Variants in WIPF2 observed in about 807,000 individuals in gnomAD.
WIPF2 encodes the protein WAS/WASL interacting protein family member 2.
A neutral mutation model predicts 38.8 loss-of-function variants in WIPF2; 23 were observed. The observed-to-expected ratio is 0.59, with a 90% confidence interval of 0.43 to 0.84. The LOEUF (loss-of-function observed/expected upper bound fraction) is 0.84. Among genes scored for constraint, WIPF2 ranks in the 40% least tolerant of loss-of-function variants. WIPF2 has a pLI of 0.00. For missense variants in WIPF2, 574 were observed against 580.5 expected, an observed-to-expected ratio of 0.99 and a Z score of 0.11; for synonymous variants, 210 against 223.2, an observed-to-expected ratio of 0.94 and a Z score of 0.53.
intron 6 of WIPF2, among the ~76,000 whole-genome samples, chr17:40,275,108 G>A (rs911766332): frequency 1.3e-5 from 2 of 151,356 alleles, no homozygotes; most frequent in African/African-American, 4.9e-5. Context: ...GGGCATGATG[G>A]CACGCAGCCA....
chr17:40,266,150 A>C lies in WIPF2; in HGVS notation c.970+1004A>C, dbSNP rs367980974. On this transcript the variant is annotated intron_variant, in intron 5 of 7. Coordinates refer to ENST00000323571, the MANE Select transcript of WIPF2 (RefSeq NM_133264.5). ...AGGCCTAGGAGGCTGAGGCAGGAGA[A>C]TCGCTTGAACTCAGGAGGCAGAGGT... Among the ~76,000 whole-genome samples, 9 of 151,134 alleles carry C rather than the reference A, an allele frequency of 6.0e-5. No homozygotes were observed. The East Asian group carries it at 1.4e-3, about 23-fold the overall frequency.
At chr17:40,222,351 C>T (rs904967341) in intron 1 of WIPF2, among the ~76,000 whole-genome samples, 1 of 151,430 alleles carries the variant, frequency 6.6e-6, no homozygotes, top group East Asian at 2.0e-4. Flanking sequence ...CGCGCCTGGC[C>T]GACCTGTCTC....
intron 1 of WIPF2, among the ~76,000 whole-genome samples, chr17:40,250,914 C>CTTTTTTTTTTTTTT (rs1020649049): frequency 1.1e-5 from 1 of 90,344 alleles, no homozygotes; most frequent in Non-Finnish European, 2.2e-5. Flanking sequence ...CTATTAGATT[C>CTTTTTTTTTTTTTT]TTTTTTTTTT....
intron 3 of WIPF2, 28 bp downstream of exon 3, chr17:40,260,695 A>AT (rs1476565904): frequency 3.1e-6 from 5 of 1,613,280 alleles, no homozygotes; most frequent in Non-Finnish European, 3.4e-6. Flanking sequence ...TTCCTAGTGA[A>AT]CTGGCAGGAT....
intron 3 of WIPF2, among the ~76,000 whole-genome samples, chr17:40,261,650 C>G (rs1175473844): frequency 1.3e-5 from 2 of 148,358 alleles, no homozygotes; most frequent in Admixed American, 6.8e-5. Context: ...AAAGGAAGAT[C>G]GGCCACTTGT....
intron 1 of WIPF2, among the ~76,000 whole-genome samples, chr17:40,224,521 C>T (rs973854863): frequency 1.3e-5 from 2 of 150,472 alleles, no homozygotes; most frequent in South Asian, 2.1e-4. Flanking sequence ...GCTGAAATTA[C>T]GGGCGTGAGC....
chr17:40,220,597 A>ATG (rs2030164004), intron 1 of WIPF2: 4 of 79,506 alleles, frequency 5.0e-5, no homozygotes, highest in African/African-American at 1.1e-4. Context: ...ATATATATAT[A>ATG]TATATATATA....
At position 40,238,338 on chromosome 17, in the gene WIPF2, CTGT is replaced by C. The variant is rs1278288800; in HGVS notation, c.-69-18050_-69-18048del. Among the ~76,000 whole-genome samples the C allele has an allele frequency of 3.9e-5, 6 of 152,218 alleles. No individual in the cohort carries two copies. The East Asian group carries it at 9.7e-4, about 25-fold the overall frequency. On this transcript the variant is annotated intron_variant, in intron 1 of 7. Coordinates refer to ENST00000323571, the MANE Select transcript of WIPF2 (RefSeq NM_133264.5). The stretch of plus-strand genomic sequence containing the variant: ...TATTTATTTGAGATGGAGTCTGGCT[CTGT>C]TGCCCAGGCTGGAGTACAATGGCAC...
intron 1 of WIPF2, among the ~76,000 whole-genome samples, chr17:40,252,114 GTC>G (rs1194886573): frequency 1.3e-5 from 2 of 152,122 alleles, no homozygotes; most frequent in Non-Finnish European, 2.9e-5. Flanking sequence ...TTTGAATTGA[GTC>G]TATTTTAGGA....
chr17:40,220,356 G>A (rs2030124024), intron 1 of WIPF2: 4 of 151,756 alleles, frequency 2.6e-5, no homozygotes, highest in South Asian at 2.1e-4. Context: ...CTTAAAAATA[G>A]CATTGAGGCA....
At chr17:40,252,446 T>A (rs1342293218) in intron 1 of WIPF2, among the ~76,000 whole-genome samples, 1 of 152,104 alleles carries the variant, frequency 6.6e-6, no homozygotes, top group Admixed American at 6.6e-5. Context: ...TGAGGATCAT[T>A]TGAGGTCAGG....
chr17:40,276,918 G>A (rs1309740038), intron 6 of WIPF2, among the ~76,000 whole-genome samples, 165 bp from the exon 7 acceptor site: 2 of 152,204 alleles, frequency 1.3e-5, no homozygotes, highest in South Asian at 2.1e-4. Flanking sequence ...GGCACGTGGG[G>A]TGATGCTGCT....
Position 40,281,819 on chromosome 17 carries a change from G to A in WIPF2, c.*3594G>A, listed in dbSNP as rs2032551143. ...GGTCCTTCCATTTTGTGAAGCTCTG[G>A]GGGTGGAGTGTGGGCATCTGAGGCC... is the stretch of plus-strand genomic sequence containing the variant. On this transcript the variant is annotated 3_prime_UTR_variant, in exon 8 of 8. Transcript: ENST00000323571. 1 of 152,550 alleles carries A rather than the reference G, an allele frequency of 6.6e-6. No homozygotes were observed. Among genetic ancestry groups the A allele is most frequent in the African/African-American group, 2.4e-5 (1 of 41,372 alleles). 9.4% of individuals were successfully genotyped at this position (152,550 alleles called of 1,614,324 possible). A position where few individuals can be genotyped will look rare whatever the true frequency, so the allele number is the denominator to read the frequency against.
At chr17:40,227,746 G>A (rs1359448457) in intron 1 of WIPF2, among the ~76,000 whole-genome samples, 3 of 151,786 alleles carry the variant, frequency 2.0e-5, no homozygotes, top group African/African-American at 4.8e-5. Flanking sequence ...CCAGTTACTC[G>A]GGAGGCTGAG....
chr17:40,237,361 C>T (rs915803310), intron 1 of WIPF2, among the ~76,000 whole-genome samples: 1 of 151,732 alleles, frequency 6.6e-6, no homozygotes, highest in Non-Finnish European at 1.5e-5. Context: ...CTGCCTCAGC[C>T]TCCTAAGTAG....
intron 1 of WIPF2, among the ~76,000 whole-genome samples, chr17:40,244,215 A>C (rs921940293): frequency 6.6e-6 from 1 of 152,172 alleles, no homozygotes; most frequent in African/African-American, 2.4e-5. Context: ...CCTAGAACAC[A>C]TGGAGGCAAG....
Position 40,260,664 on chromosome 17 carries a change from G to A in WIPF2, c.193G>A (p.Glu65Lys), listed in dbSNP as rs771441782. Residue 65 changes from glutamate to lysine, a missense_variant, in exon 3 of 8, where the codon GAG becomes AAG. Coordinates refer to ENST00000323571, the MANE Select transcript of WIPF2 (RefSeq NM_133264.5). ...NINDRSAPIL[E>K]KPKGSSGGYG... ...TAATGATCGGAGTGCTCCCATCCTC[G>A]AGAGTGAGTCCGAGCTTCATTTCCT... The A allele has an allele frequency of 6.2e-6, 10 of 1,613,742 alleles. No individual in the cohort carries two copies. The highest frequency in any genetic ancestry group is 4.5e-5 in the East Asian group (2 of 44,828).
chr17:40,264,680 G>A lies in WIPF2; in HGVS notation c.504G>A (p.Thr168=), dbSNP rs767139358. The change falls in exon 5 of 8, where the codon ACG becomes ACA. Residue 168 remains threonine (T), a synonymous_variant. Coordinates refer to ENST00000323571, the MANE Select transcript of WIPF2 (RefSeq NM_133264.5). ...DLSRPNTTSS[T]GMKHSSSAPP... ...CTCGGCCTAATACCACCAGCAGTACGGGCATGAAGCACAGCTCCTCTGCCC... is the reference window on the plus strand; with the variant it reads ...CTCGGCCTAATACCACCAGCAGTACAGGCATGAAGCACAGCTCCTCTGCCC... The A allele has an allele frequency of 1.5e-5, 24 of 1,613,272 alleles. No individual in the cohort carries two copies. Among genetic ancestry groups the A allele is most frequent in the South Asian group, 1.1e-4 (10 of 90,984 alleles).
chr17:40,239,682 T>C (rs1003273467), intron 1 of WIPF2, among the ~76,000 whole-genome samples: 1 of 150,664 alleles, frequency 6.6e-6, no homozygotes, highest in African/African-American at 2.4e-5. Flanking sequence ...ACTCTTTGGT[T>C]CAGCTTTTCT....
Sources: gnomAD v4.1 joint callset for allele counts (sites outside exome capture counted in the v4.1 genomes callset) on GRCh38, gnomAD v4.1.1 for gene constraint, MANE v1.5 for transcripts, NCBI Gene and HGNC (gene_info 2026-07-23, HGNC 2026-07-21) for gene names.